FKRP: variants seen among roughly 807,000 people sequenced by gnomAD.
The protein encoded by FKRP is ribitol 5-phosphate transferase FKRP.
FKRP carries 25 observed loss-of-function variants against 30.6 expected under a neutral mutation model. That is an observed-to-expected ratio of 0.82 (90% CI 0.60 to 1.14). FKRP has a LOEUF of 1.14. Ranked by LOEUF, FKRP falls within the 50% of genes most tolerant of loss-of-function variation. The probability of loss-of-function intolerance (pLI) is 0.00; values close to 1 mark genes in which losing one functional copy is unlikely to be tolerated. For synonymous variants in FKRP, 358 were observed against 342.5 expected (o/e 1.05, Z -0.50); for missense variants, 771 against 727.8 (o/e 1.06, Z -0.68).
upstream of FKRP, chr19:46,745,622 C>G (rs1343628636): frequency 6.6e-6 from 1 of 152,482 alleles, no homozygotes; most frequent in African/African-American, 2.4e-5. Flanking sequence ...CTTGGACGCT[C>G]CCACCTCCAA....
upstream of FKRP, chr19:46,746,011 G>T: frequency 8.9e-7 from 1 of 1,125,148 alleles, no homozygotes; most frequent in South Asian, 2.4e-5. Flanking sequence ...CGCCCTCCGG[G>T]ACCGTCGCGG....
intron 3 of FKRP, among the ~76,000 whole-genome samples, chr19:46,749,673 C>T (rs989552342): frequency 5.9e-4 from 86 of 146,790 alleles, no homozygotes; most frequent in African/African-American, 2.0e-3. Context: ...TGCAGCGAGC[C>T]GAGATTGTGC....
Position 46,746,094 on chromosome 19 carries a change from A to T in FKRP, c.-253+4A>T. ...ATGGCGGCGGCGGCGGCAGCGGGTG[A>T]GGCCGGGCCGGGCCGGGCCGGGTTG... On this transcript the variant is annotated splice_donor_region_variant and intron_variant, in intron 1 of 3. Transcript: ENST00000318584. 4 of 1,244,356 alleles carry T rather than the reference A, an allele frequency of 3.2e-6. No individual in the cohort carries two copies. Among genetic ancestry groups the T allele is most frequent in the Non-Finnish European group, 4.1e-6 (4 of 985,812 alleles). 77.1% of individuals were successfully genotyped at this position (1,244,356 alleles called of 1,614,324 possible). A position where few individuals can be genotyped will look rare whatever the true frequency, so the allele number is the denominator to read the frequency against.
upstream of FKRP, chr19:46,746,042 G>T: frequency 1.1e-6 from 1 of 919,680 alleles, no homozygotes; most frequent in Non-Finnish European, 1.4e-6. Context: ...CCCCCCCGCC[G>T]GCCGTCCCGG....
rs762854536 is a variant in FKRP at position 46,756,735 on chromosome 19, A to G, written c.1285A>G (p.Lys429Glu). The change falls in exon 4 of 4, where the codon AAG becomes GAG. Residue 429 changes from lysine (K) to glutamate (E), a missense_variant. By Grantham distance (56) the Lys-to-Glu change is moderately conservative (BLOSUM62 1). Transcript: ENST00000318584. The surrounding 1 kb of genome is among the most constrained non-coding windows in gnomAD (Gnocchi z 6.6). ...CTACCCCCGCAATGGCGTCATGACC[A>G]AGGACACGTGGCTGGACCACCGGCA... is the stretch of plus-strand genomic sequence containing the variant. ...PFYPRNGVMT[K>E]DTWLDHRQDV... is the part of the protein sequence containing the mutation. 1 of 1,610,324 alleles carries G rather than the reference A, an allele frequency of 6.2e-7. No individual in the cohort carries two copies.
intron 1 of FKRP, chr19:46,746,451 G>A: frequency 1.0e-6 from 1 of 997,184 alleles, no homozygotes; most frequent in Non-Finnish European, 1.2e-6. Flanking sequence ...GGGCCGGCCT[G>A]CGCGCCCGCT....
chr19:46,756,837 A>G lies in FKRP; in HGVS notation c.1387A>G (p.Asn463Asp), dbSNP rs121908110. The change falls in exon 4 of 4, where the codon AAC becomes GAC. Residue 463 changes from asparagine (N) to aspartate (D), a missense_variant. By Grantham distance (23) the Asn-to-Asp change is conservative. Coordinates refer to ENST00000318584, the MANE Select transcript of FKRP (RefSeq NM_024301.5). The surrounding 1 kb of genome is among the most constrained non-coding windows in gnomAD (Gnocchi z 6.6). ...PFAGFVAQAP[N>D]NYRRFLELKF... is the part of the protein sequence containing the mutation. Reference sequence around the variant, plus strand: ...TGCCGGCTTCGTGGCGCAGGCGCCTAACAACTACCGCCGCTTCCTGGAGCT... The same window carrying G: ...TGCCGGCTTCGTGGCGCAGGCGCCTGACAACTACCGCCGCTTCCTGGAGCT... The G allele has an allele frequency of 2.3e-5, 37 of 1,601,298 alleles. No homozygotes were observed. The Admixed American group carries it at 6.2e-4, about 27-fold the overall frequency.
chr19:46,750,171 C>A (rs2054763677), intron 3 of FKRP, among the ~76,000 whole-genome samples: 1 of 152,220 alleles, frequency 6.6e-6, no homozygotes, highest in Admixed American at 6.5e-5. Flanking sequence ...CCTTCAAAAT[C>A]ATCATTGTAT....
chr19:46,749,434 T>G (rs1231180105), intron 3 of FKRP, among the ~76,000 whole-genome samples: 1 of 133,772 alleles, frequency 7.5e-6, no homozygotes, highest in Non-Finnish European at 1.6e-5. Context: ...TTTTTTGAGA[T>G]AAGGTCTCGA....
At chr19:46,755,120 T>TC (rs1441604893) in intron 3 of FKRP, among the ~76,000 whole-genome samples, 1 of 149,730 alleles carries the variant, frequency 6.7e-6, no homozygotes, top group Non-Finnish European at 1.5e-5. Context: ...AACTCCCCAT[T>TC]CCCCCCTGCC....
intron 3 of FKRP, among the ~76,000 whole-genome samples, chr19:46,751,363 C>T (rs1036850392): frequency 4.6e-5 from 7 of 151,572 alleles, no homozygotes; most frequent in Non-Finnish European, 7.4e-5. Context: ...TGCACCTGGC[C>T]AAGATGCATT....
chr19:46,746,036 C>A (rs867253089), upstream of FKRP: 69 of 1,227,480 alleles, frequency 5.6e-5, 3 homozygotes, highest in African/African-American at 2.1e-4. Context: ...CTCCCGCCCC[C>A]CCGCCGGCCG....
In FKRP at chr19:46,755,682, C is replaced by T. The variant is rs747511445; in HGVS notation, c.232C>T (p.Pro78Ser). 8 of 1,591,486 alleles carry T rather than the reference C, an allele frequency of 5.0e-6. No homozygotes were observed. The Admixed American group carries it at 1.3e-4, about 27-fold the overall frequency. ...CTTCCTGCAGCAAGACCCAGCCCAG[C>T]CCGTGGTGGTGGCAGCCGACACGCT... ...DSFLQQDPAQ[P>S]VVVAADTLPY... is the part of the protein sequence containing the mutation. The change falls in exon 4 of 4, where the codon CCC (proline) becomes TCC (serine). Residue 78 changes from proline to serine, a missense_variant. Transcript: ENST00000318584.
At chr19:46,746,809 C>G (rs1436557359) in intron 1 of FKRP, 1 of 152,188 alleles carries the variant, frequency 6.6e-6, no homozygotes, top group Non-Finnish European at 1.5e-5. Context: ...TACTTTTACT[C>G]TGAGAGAAAG....
chr19:46,752,448 T>C (rs2054812568), intron 3 of FKRP, among the ~76,000 whole-genome samples: 2 of 152,212 alleles, frequency 1.3e-5, no homozygotes, highest in South Asian at 4.1e-4. Flanking sequence ...TCTGAGCATC[T>C]GTTGCTCTCT....
intron 3 of FKRP, chr19:46,754,393 A>C (rs1301710312): frequency 2.6e-5 from 2 of 76,450 alleles, no homozygotes; most frequent in African/African-American, 1.1e-4. Context: ...TTATTTATTT[A>C]TTTATTTATT....
chr19:46,746,212 C>T, intron 1 of FKRP, 122 bp downstream of exon 1: 1 of 1,538,786 alleles, frequency 6.5e-7, no homozygotes, highest in Middle Eastern at 1.7e-4. Flanking sequence ...CCCACTCGTG[C>T]TGGATAAAGT....
chr19:46,746,001 C>A (rs2054586298), upstream of FKRP: 3 of 1,046,950 alleles, frequency 2.9e-6, no homozygotes, highest in Non-Finnish European at 3.7e-6. Context: ...GCCCCTCACT[C>A]GCCCTCCGGG....
Position 46,757,198 on chromosome 19 carries a change from T to C in FKRP, c.*260T>C, listed in dbSNP as rs563682072. The stretch of plus-strand genomic sequence containing the variant: ...ATATGCGTGGGGACATCCTGGGTCA[T>C]CTCAGTCATGGAGGGAGACGGGGAT... On this transcript the variant is annotated 3_prime_UTR_variant, in exon 4 of 4. Transcript: ENST00000318584. The C allele has an allele frequency of 1.2e-5, 7 of 590,460 alleles. No individual in the cohort carries two copies. In the Admixed American group the frequency reaches 1.5e-4, roughly 12 times the overall value. The allele number at this position is 590,460 out of a possible 1,614,324, so 36.6% of individuals were successfully genotyped here.
Sources: allele counts gnomAD v4.1 joint callset (sites outside exome capture counted in the v4.1 genomes callset), GRCh38; gene constraint gnomAD v4.1.1; non-coding constraint Gnocchi (gnomAD v3.1); transcripts MANE v1.5; gene names NCBI Gene and HGNC (gene_info 2026-07-23, HGNC 2026-07-21).